The following NR3C1 variants were observed in gnomAD, a reference collection of about 807,000 sequenced individuals.
The protein encoded by NR3C1 is nuclear receptor subfamily 3 group C member 1.
In NR3C1, 14 loss-of-function variants were observed where a neutral mutation model predicts 74.0. That is an observed-to-expected ratio of 0.19 (90% CI 0.12 to 0.30). The LOEUF is 0.30. Ranked by LOEUF, NR3C1 falls within the 10% of genes least tolerant of loss-of-function variation. NR3C1 has a pLI of 1.00. For synonymous variants in NR3C1, 308 were observed against 332.5 expected (o/e 0.93, Z 0.80); for missense variants, 695 against 909.8 (o/e 0.76, Z 3.04).
At chr5:143,409,421 G>T (rs1291261670) in intron 1 of NR3C1, among the ~76,000 whole-genome samples, 1 of 152,084 alleles carries the variant, frequency 6.6e-6, no homozygotes, top group Non-Finnish European at 1.5e-5. Context: ...TTAAATGTGT[G>T]ATGTTAAATA....
chr5:143,361,059 T>C (rs906325961), intron 2 of NR3C1, among the ~76,000 whole-genome samples: 11 of 152,268 alleles, frequency 7.2e-5, no homozygotes, highest in African/African-American at 2.7e-4. Context: ...AGCATTCTCC[T>C]GTCAACAACT....
At chr5:143,367,891 G>A (rs1343493817) in intron 2 of NR3C1, among the ~76,000 whole-genome samples, 3 of 152,144 alleles carry the variant, frequency 2.0e-5, no homozygotes, top group Admixed American at 1.3e-4. Flanking sequence ...CAGAAATGGA[G>A]AGTTGATTTA....
At position 143,300,453 on chromosome 5, in the gene NR3C1, A is replaced by AT. The variant is rs1279080597; in HGVS notation, c.1747+31dup. 1.2e-6 allele frequency: 2 copies of AT among 1,613,864 alleles called. No homozygotes were observed. The highest frequency in any genetic ancestry group is 2.7e-5 in the African/African-American group (2 of 74,936). Reference sequence around the variant, plus strand: ...TTTGCTGAAGAAAACACAAAGGTTTATATAGTTGCTCTTTTATGTTTTGCA... The same window carrying AT: ...TTTGCTGAAGAAAACACAAAGGTTTATTATAGTTGCTCTTTTATGTTTTGCA... On this transcript the variant is annotated intron_variant, in intron 5 of 8. Transcript: ENST00000394464. This position sits in a 1 kb window ranked among gnomAD's most constrained non-coding sequence, Gnocchi z 5.2.
chr5:143,343,370 C>G (rs569780403), intron 2 of NR3C1, among the ~76,000 whole-genome samples: 1 of 152,260 alleles, frequency 6.6e-6, no homozygotes, highest in African/African-American at 2.4e-5. Flanking sequence ...CTGATAGTCT[C>G]CTCGGGACTT....
chr5:143,423,181 C>A (rs1475552963), intron 1 of NR3C1, among the ~76,000 whole-genome samples: 1 of 152,076 alleles, frequency 6.6e-6, no homozygotes, highest in East Asian at 1.9e-4. Flanking sequence ...AAACCATCAA[C>A]AAAGTGAAGA....
chr5:143,403,481 A>AGCTGCTTCG lies in NR3C1; in HGVS notation c.-293_-285dup, dbSNP rs1203505546. 1.0e-6 allele frequency: 1 copy of AGCTGCTTCG among 984,584 alleles called. No individual in the cohort carries two copies. Among genetic ancestry groups the AGCTGCTTCG allele is most frequent in the Non-Finnish European group, 1.2e-6 (1 of 829,868 alleles). The allele number at this position is 984,584 out of a possible 1,614,324, so 61.0% of individuals were successfully genotyped here. On this transcript the variant is annotated 5_prime_UTR_variant, in exon 1 of 9. Coordinates refer to ENST00000394464, the MANE Select transcript of NR3C1 (RefSeq NM_000176.3). ...GGCGCGCGTGCCCCGTCCCGGTCCC[A>AGCTGCTTCG]GCTGCTTCGGCCGCTCCGGCTGCGG...
At chr5:143,288,844 G>A (rs1815183815) in intron 7 of NR3C1, among the ~76,000 whole-genome samples, 1 of 152,008 alleles carries the variant, frequency 6.6e-6, no homozygotes, top group Non-Finnish European at 1.5e-5. Context: ...AGTGGCTCAT[G>A]CCTGTAATCC....
rs1412405689 is a variant in NR3C1 at position 143,282,027 on chromosome 5, G to A, written c.2196C>T (p.Leu732=). Reference sequence around the variant, plus strand: ...AAAATGTTTGGAAGCAATAGTTAAGGAGATTTTCAACCACCTGCAAGAGAA... The same window carrying A: ...AAAATGTTTGGAAGCAATAGTTAAGAAGATTTTCAACCACCTGCAAGAGAA... ...LDSMHEVVEN[L]LNYCFQTFLD... Residue 732 remains leucine (L), a synonymous_variant, in exon 9 of 9, where the codon CTC becomes CTT. Transcript: ENST00000394464. The A allele has an allele frequency of 1.2e-6, 2 of 1,613,510 alleles. No homozygotes were observed. Among genetic ancestry groups the A allele is most frequent in the Non-Finnish European group, 1.7e-6 (2 of 1,179,714 alleles).
chr5:143,413,045 G>A (rs958938916), intron 1 of NR3C1, among the ~76,000 whole-genome samples: 7 of 152,104 alleles, frequency 4.6e-5, no homozygotes, highest in Non-Finnish European at 8.8e-5. Flanking sequence ...CAACAAAATA[G>A]CAACTATTAT....
At chr5:143,293,646 T>C (rs1333150565) in intron 7 of NR3C1, among the ~76,000 whole-genome samples, 1 of 152,244 alleles carries the variant, frequency 6.6e-6, no homozygotes, top group East Asian at 1.9e-4. Context: ...TGTAGGTTCC[T>C]GCCTTCACTT....
At chr5:143,433,464 A>ATCATT (rs1751961475) in intron 1 of NR3C1, among the ~76,000 whole-genome samples, 1 of 146,470 alleles carries the variant, frequency 6.8e-6, no homozygotes, top group Non-Finnish European at 1.5e-5. Flanking sequence ...ATATATATAT[A>ATCATT]TATATATTTA....
At chr5:143,364,042 C>T (rs1235493896) in intron 2 of NR3C1, among the ~76,000 whole-genome samples, 2 of 152,050 alleles carry the variant, frequency 1.3e-5, no homozygotes, top group Non-Finnish European at 2.9e-5. Flanking sequence ...CTACAAAGCT[C>T]AACAAACTCC....
At chr5:143,421,508 C>T (rs1444843943) in intron 1 of NR3C1, among the ~76,000 whole-genome samples, 1 of 151,578 alleles carries the variant, frequency 6.6e-6, no homozygotes, top group Non-Finnish European at 1.5e-5. Context: ...AGTGAGTTCT[C>T]ATGGGTAGAG....
In NR3C1 at chr5:143,279,240, A is replaced by T; in HGVS notation, c.*2649T>A. The T allele has an allele frequency of 9.1e-7, 1 of 1,104,472 alleles. No individual in the cohort carries two copies. The allele number at this position is 1,104,472 out of a possible 1,614,324, so 68.4% of individuals were successfully genotyped here. A position where few individuals can be genotyped will look rare whatever the true frequency, so the allele number is the denominator to read the frequency against. On this transcript the variant is annotated 3_prime_UTR_variant, in exon 9 of 9. Transcript: ENST00000394464. ...AAGGGCACAGCTTCTTTTCCCATTT[A>T]ATGAAAAGCCTCCTATAGTTGTCGA...
chr5:143,350,180 G>A (rs530724420), intron 2 of NR3C1, among the ~76,000 whole-genome samples: 91 of 152,114 alleles, frequency 6.0e-4, no homozygotes, highest in African/African-American at 2.0e-3. Context: ...TCTAAAGAGG[G>A]GACTAATCTG....
Position 143,332,312 on chromosome 5 carries a change from G to A in NR3C1, c.1185-18144C>T, listed in dbSNP as rs1011230755. ...TTAAGAAAGTTCGGGCACTTTGAGT[G>A]TTTTTTTTTTTTTTTAATCCATAAC... is the stretch of plus-strand genomic sequence containing the variant. On this transcript the variant is annotated intron_variant, in intron 2 of 8. Transcript: ENST00000394464. 7.2e-5 allele frequency among the ~76,000 whole-genome samples: 8 copies of A among 111,570 alleles called. 1 individual carries two copies. The highest frequency in any genetic ancestry group is 5.8e-4 in the South Asian group (2 of 3,442). The allele number at this position is 111,570 out of a possible 152,430, so 73.2% of individuals were successfully genotyped here. A position where few individuals can be genotyped will look rare whatever the true frequency, so the allele number is the denominator to read the frequency against.
intron 2 of NR3C1, among the ~76,000 whole-genome samples, chr5:143,351,459 G>A (rs76187244): frequency 6.6e-6 from 1 of 152,162 alleles, no homozygotes; most frequent in East Asian, 1.9e-4. Context: ...ATACAGACAA[G>A]AATAATTTTC....
intron 2 of NR3C1, among the ~76,000 whole-genome samples, chr5:143,321,961 C>A (rs1459714565): frequency 1.3e-5 from 2 of 152,188 alleles, no homozygotes; most frequent in South Asian, 2.1e-4. Context: ...GCATCTTGTA[C>A]AAAGTTCAGT....
intron 2 of NR3C1, among the ~76,000 whole-genome samples, chr5:143,379,241 A>G (rs1001299750): frequency 2.6e-5 from 4 of 152,240 alleles, no homozygotes; most frequent in Non-Finnish European, 4.4e-5. Context: ...AAGCAGTTAC[A>G]TAAGTGCTTT....
Sources: gnomAD v4.1 joint callset for allele counts (sites outside exome capture counted in the v4.1 genomes callset) on GRCh38, gnomAD v4.1.1 for gene constraint, Gnocchi (gnomAD v3.1) non-coding constraint, MANE v1.5 for transcripts, NCBI Gene and HGNC (gene_info 2026-07-23, HGNC 2026-07-21) for gene names.